The following TBC1D19 variants were observed in gnomAD, a reference collection of about 807,000 sequenced individuals.
TBC1D19 encodes TBC1 domain family member 19, also known as TBC1 domain family, member 19.
Under a neutral mutation model 89.0 loss-of-function variants are expected in TBC1D19, and 60 were observed. The observed-to-expected ratio is 0.67, with a 90% CI of 0.55 to 0.84. The LOEUF is 0.84. TBC1D19 is among the 40% of genes least tolerant of loss of function. The pLI, the probability that TBC1D19 is intolerant of heterozygous loss-of-function variation, is 0.00. For missense variants in TBC1D19, 500 were observed against 610.8 expected, an observed-to-expected ratio of 0.82 and a Z score of 1.91; for synonymous variants, 189 against 199.7, an observed-to-expected ratio of 0.95 and a Z score of 0.45.
chr4:26,594,982 T>C (rs1310489919), intron 1 of TBC1D19, among the ~76,000 whole-genome samples: 1 of 152,212 alleles, frequency 6.6e-6, no homozygotes, highest in Non-Finnish European at 1.5e-5. Context: ...ATAGATTGCG[T>C]GGTAAGAGAG....
the TBC1D19 span, among the ~76,000 whole-genome samples, chr4:26,766,460 C>T: frequency 2.0e-4 from 31 of 152,174 alleles, no homozygotes; most frequent in Admixed American, 1.8e-3. Flanking sequence ...AATATAAATA[C>T]GCAACCACTG....
At chr4:26,850,747 A>G in the TBC1D19 span, among the ~76,000 whole-genome samples, 27,816 of 151,984 alleles carry the variant, frequency 0.18, 3,358 homozygotes, top group Middle Eastern at 0.31. Flanking sequence ...ACTGTGAGAC[A>G]AAAAATTTCT....
At chr4:26,581,536 CAA>C (rs1577737781), upstream of TBC1D19, among the ~76,000 whole-genome samples, 1 of 152,188 alleles carries the variant, frequency 6.6e-6, no homozygotes, top group East Asian at 1.9e-4. Flanking sequence ...TCATGGCCTG[CAA>C]AGGCCATGAA....
chr4:26,641,829 G>C (rs1474654174), intron 7 of TBC1D19, among the ~76,000 whole-genome samples: 3 of 152,216 alleles, frequency 2.0e-5, no homozygotes, highest in Non-Finnish European at 2.9e-5. Flanking sequence ...AAGGGTATCA[G>C]TGATTGAAGA....
At chr4:26,709,711 A>C (rs977560920) in intron 13 of TBC1D19, among the ~76,000 whole-genome samples, 1 of 152,014 alleles carries the variant, frequency 6.6e-6, no homozygotes, top group African/African-American at 2.4e-5. Context: ...GCTTTCTCCT[A>C]AAAGTTGCAA....
intron 17 of TBC1D19, chr4:26,740,617 T>C: frequency 1.0e-6 from 1 of 981,230 alleles, no homozygotes; most frequent in South Asian, 4.7e-5. Flanking sequence ...GCTGTTCCTT[T>C]ATCATATCTT....
intron 1 of TBC1D19, among the ~76,000 whole-genome samples, chr4:26,594,356 G>A (rs1037241433): frequency 6.6e-6 from 1 of 152,028 alleles, no homozygotes; most frequent in African/African-American, 2.4e-5. Flanking sequence ...TGGTGGAGAG[G>A]GGAGGGATAG....
chr4:26,681,780 G>A (rs755455854), intron 11 of TBC1D19, among the ~76,000 whole-genome samples: 1 of 152,150 alleles, frequency 6.6e-6, no homozygotes, highest in Non-Finnish European at 1.5e-5. Context: ...TGAGTTAAAT[G>A]TGTATTGTTT....
chr4:26,848,264 A>T, the TBC1D19 span, among the ~76,000 whole-genome samples: 2 of 152,232 alleles, frequency 1.3e-5, no homozygotes, highest in Non-Finnish European at 1.5e-5. Context: ...CTACTTGAGC[A>T]GAGACATCAG....
At chr4:26,637,176 C>A in intron 4 of TBC1D19, 35 bp from the exon 5 acceptor site, 1 of 1,438,374 alleles carries the variant, frequency 7.0e-7, no homozygotes, top group Non-Finnish European at 9.7e-7. Flanking sequence ...AGTATTGTTA[C>A]TGGAAAAGAT....
chr4:26,583,625 A>G (rs1250638779), upstream of TBC1D19, among the ~76,000 whole-genome samples: 4 of 152,238 alleles, frequency 2.6e-5, no homozygotes, highest in African/African-American at 7.2e-5. Context: ...ATGGAGTGCT[A>G]TGGTACAGTG....
At chr4:26,688,199 A>T in intron 12 of TBC1D19, 146 bp from the exon 13 acceptor site, 1 of 1,223,190 alleles carries the variant, frequency 8.2e-7, no homozygotes, top group Non-Finnish European at 1.0e-6. Context: ...CAGTAAATAC[A>T]TAGCAATGAT....
intron 13 of TBC1D19, among the ~76,000 whole-genome samples, chr4:26,694,498 G>A (rs1385400978): frequency 1.3e-5 from 2 of 152,232 alleles, no homozygotes; most frequent in Non-Finnish European, 2.9e-5. Context: ...AAAGGCAGCA[G>A]AAACCTCTGC....
the TBC1D19 span, among the ~76,000 whole-genome samples, chr4:26,805,020 C>T: frequency 6.6e-6 from 1 of 152,186 alleles, no homozygotes; most frequent in African/African-American, 2.4e-5. Context: ...GCCTGGAATC[C>T]GCTTAGGGTT....
intron 19 of TBC1D19, among the ~76,000 whole-genome samples, chr4:26,750,627 A>C (rs957589111): frequency 6.6e-6 from 1 of 152,192 alleles, no homozygotes; most frequent in African/African-American, 2.4e-5. Context: ...AATAATTAAT[A>C]AAAACGTTAC....
chr4:26,756,608 A>G (rs998194129), downstream of TBC1D19, among the ~76,000 whole-genome samples: 17 of 152,208 alleles, frequency 1.1e-4, no homozygotes, highest in Non-Finnish European at 2.9e-5. Context: ...CCTTGCAGGT[A>G]GGTAAGGACC....
intron 19 of TBC1D19, among the ~76,000 whole-genome samples, chr4:26,749,567 C>T (rs1718839813): frequency 6.6e-6 from 1 of 151,724 alleles, no homozygotes; most frequent in Non-Finnish European, 1.5e-5. Flanking sequence ...CTTCCTCAGC[C>T]TCCCGAATAG....
At chr4:26,767,217 A>G in the TBC1D19 span, among the ~76,000 whole-genome samples, 3 of 152,124 alleles carry the variant, frequency 2.0e-5, no homozygotes, top group East Asian at 1.9e-4. Flanking sequence ...TTTGTGCTGT[A>G]TTTTCCTCAT....
chr4:26,808,113 G>A, the TBC1D19 span, among the ~76,000 whole-genome samples: 1 of 152,194 alleles, frequency 6.6e-6, no homozygotes, highest in Non-Finnish European at 1.5e-5. Context: ...CGTCATTGAG[G>A]ACCCAAAAAA....
Sources: gnomAD v4.1 joint callset for allele counts (sites outside exome capture counted in the v4.1 genomes callset) on GRCh38, gnomAD v4.1.1 for gene constraint, MANE v1.5 for transcripts, NCBI Gene and HGNC (gene_info 2026-07-23, HGNC 2026-07-21) for gene names.